The following DMD variants were observed in gnomAD, a reference collection of about 807,000 sequenced individuals.
The protein encoded by DMD is dystrophin.
In DMD, 63 loss-of-function variants were observed where a neutral mutation model predicts 330.1. The observed-to-expected ratio is 0.19, with a 90% CI of 0.16 to 0.24. The LOEUF is 0.24. Among genes scored for constraint, DMD ranks in the 10% least tolerant of loss-of-function variants. The probability of loss-of-function intolerance (pLI) is 1.00; values close to 1 mark genes in which losing one functional copy is unlikely to be tolerated. For synonymous variants in DMD, 1,223 were observed against 959.8 expected (o/e 1.27, Z -5.07); for missense variants, 3,344 against 2,684.1 (o/e 1.25, Z -5.43).
intron 30 of DMD, among the ~76,000 whole-genome samples, chrX:32,403,973 C>T (rs1478427054): frequency 9.0e-6 from 1 of 111,680 alleles, no homozygotes; most frequent in African/African-American, 3.2e-5. Flanking sequence ...TCAAATATGC[C>T]TATTTACACT....
At chrX:32,806,670 C>T (rs1189878879) in intron 7 of DMD, among the ~76,000 whole-genome samples, 1 of 111,637 alleles carries the variant, frequency 9.0e-6, no homozygotes, top group African/African-American at 3.3e-5. Context: ...CATACTTATT[C>T]TAAAATTGAT....
At chrX:31,993,681 T>G (rs2095565357) in intron 44 of DMD, among the ~76,000 whole-genome samples, 1 of 112,113 alleles carries the variant, frequency 8.9e-6, no homozygotes, top group Non-Finnish European at 1.9e-5. Context: ...TGGTTTTTCA[T>G]GTGAATCTGT....
At chrX:32,523,561 G>C (rs779868243) in intron 17 of DMD, among the ~76,000 whole-genome samples, 6 of 112,142 alleles carry the variant, frequency 5.4e-5, no homozygotes, top group Non-Finnish European at 1.1e-4. Flanking sequence ...GTTGTCCCTA[G>C]TCTATTACTA....
At chrX:31,280,029 G>A (rs2052495751) in intron 62 of DMD, among the ~76,000 whole-genome samples, 1 of 112,218 alleles carries the variant, frequency 8.9e-6, no homozygotes, top group African/African-American at 3.2e-5. Context: ...CTGTTATACA[G>A]CAAAAGTAGC....
At chrX:32,451,311 A>T (rs1462603334) in intron 26 of DMD, among the ~76,000 whole-genome samples, 2 of 111,202 alleles carry the variant, frequency 1.8e-5, no homozygotes, top group Non-Finnish European at 3.8e-5. Flanking sequence ...TGCTGTAGTG[A>T]TTATACAAAT....
intron 50 of DMD, among the ~76,000 whole-genome samples, chrX:31,783,571 T>A (rs1427370099): frequency 9.0e-6 from 1 of 111,172 alleles, no homozygotes; most frequent in Non-Finnish European, 1.9e-5. Flanking sequence ...AATAACAGGG[T>A]CTCAATCAAA....
intron 25 of DMD, among the ~76,000 whole-genome samples, chrX:32,460,953 T>A (rs1194162633): frequency 8.9e-6 from 1 of 111,953 alleles, no homozygotes; most frequent in African/African-American, 3.2e-5. Context: ...ATTCCCTCAC[T>A]TATATCTGAT....
chrX:32,730,507 T>C (rs927321418), intron 7 of DMD, among the ~76,000 whole-genome samples: 3 of 112,046 alleles, frequency 2.7e-5, no homozygotes, highest in Admixed American at 9.4e-5. Flanking sequence ...TAGAGAGCCA[T>C]AGGACAGAAG....
intron 47 of DMD, among the ~76,000 whole-genome samples, chrX:31,910,898 G>A (rs1450960526): frequency 3.6e-5 from 4 of 112,269 alleles, no homozygotes; most frequent in South Asian, 7.3e-4. Context: ...ATAGCTGAAT[G>A]ACACAGGGGT....
intron 1 of DMD, among the ~76,000 whole-genome samples, chrX:33,058,685 G>A (rs765832497): frequency 9.0e-6 from 1 of 110,585 alleles, no homozygotes; most frequent in Non-Finnish European, 1.9e-5. Flanking sequence ...GTAGATATTG[G>A]CAAATATTAA....
At chrX:32,973,296 C>A (rs1298651446) in intron 2 of DMD, among the ~76,000 whole-genome samples, 1 of 111,968 alleles carries the variant, frequency 8.9e-6, no homozygotes, top group Admixed American at 9.5e-5. Flanking sequence ...ATAAAACATG[C>A]CCTTTATGGC....
chrX:32,339,651 A>AT (rs1247335315), intron 41 of DMD, among the ~76,000 whole-genome samples: 1 of 111,497 alleles, frequency 9.0e-6, no homozygotes, highest in Admixed American at 9.6e-5. Context: ...AAATGCCTTA[A>AT]TTTTACAGTG....
intron 2 of DMD, among the ~76,000 whole-genome samples, chrX:32,929,293 T>C (rs761477939): frequency 2.7e-5 from 3 of 111,510 alleles, no homozygotes; most frequent in Non-Finnish European, 3.8e-5. Flanking sequence ...ACCATATTGA[T>C]TGCCTGTGTG....
rs750546339 is a variant in DMD, at chrX:32,385,586, A to T, written c.4674+724T>A. On this transcript the variant is annotated intron_variant, in intron 33 of 78. Transcript: ENST00000357033. ...AAAAAGCTTCTGCTCAGCAAAACAA[A>T]CAATCAACAGAGTGAAGAGACTACT... Among the ~76,000 whole-genome samples, 4 of 111,743 alleles carry T rather than the reference A, an allele frequency of 3.6e-5. 1 individual carries two copies. The South Asian group carries it at 1.5e-3, about 41-fold the overall frequency.
intron 67 of DMD, among the ~76,000 whole-genome samples, chrX:31,190,022 C>G (rs995250331): frequency 8.9e-6 from 1 of 112,234 alleles, no homozygotes; most frequent in Non-Finnish European, 1.9e-5. Flanking sequence ...TAGGTATACA[C>G]AAAATTCACA....
intron 69 of DMD, 62 bp downstream of exon 69, chrX:31,180,308 G>A: frequency 1.3e-6 from 1 of 789,053 alleles, no homozygotes; most frequent in Non-Finnish European, 2.0e-6. Flanking sequence ...CTGCAGTATT[G>A]TACAAAACTG....
chrX:31,456,296 T>C (rs770462851), intron 59 of DMD, among the ~76,000 whole-genome samples: 14 of 112,334 alleles, frequency 1.2e-4, no homozygotes, highest in Non-Finnish European at 2.3e-4. Flanking sequence ...AGTTCACATA[T>C]AGTCACACAA....
intron 13 of DMD, among the ~76,000 whole-genome samples, chrX:32,578,831 G>C (rs1367679557): frequency 9.0e-6 from 1 of 111,413 alleles, no homozygotes; most frequent in Admixed American, 9.6e-5. Context: ...CAGCAACGGG[G>C]CTTTATGAAA....
At chrX:33,246,033 T>G (rs12392440) in intron 1 of DMD, among the ~76,000 whole-genome samples, 22,773 of 111,533 alleles carry the variant, frequency 0.2, 3,753 homozygotes, top group African/African-American at 0.57. Context: ...GTATTTGAAC[T>G]AGTATTCAAT....
Sources: allele counts gnomAD v4.1 joint callset (sites outside exome capture counted in the v4.1 genomes callset), GRCh38; gene constraint gnomAD v4.1.1; transcripts MANE v1.5; gene names NCBI Gene and HGNC (gene_info 2026-07-23, HGNC 2026-07-21).